Variants in CBL observed in about 807,000 individuals in gnomAD.
The protein encoded by CBL is E3 ubiquitin-protein ligase CBL.
In CBL, 45 loss-of-function variants were observed where a neutral mutation model predicts 96.9. That is an observed-to-expected ratio of 0.46 (90% CI 0.37 to 0.60). The LOEUF (loss-of-function observed/expected upper bound fraction) is 0.60, where lower values mean the gene tolerates loss of function less well. CBL is among the 20% of genes least tolerant of loss of function. CBL has a pLI of 0.00. For missense variants in CBL, 1,024 were observed against 1,143.5 expected (o/e 0.90, Z 1.51); for synonymous variants, 420 against 426.8 (o/e 0.98, Z 0.20).
chr11:119,260,676 A>C (rs1328108397), intron 2 of CBL, among the ~76,000 whole-genome samples: 1 of 151,928 alleles, frequency 6.6e-6, no homozygotes, highest in African/African-American at 2.4e-5. Context: ...CATACTCTTG[A>C]TTTTACTGCT....
intron 14 of CBL, among the ~76,000 whole-genome samples, chr11:119,297,872 C>T (rs891046022): frequency 1.3e-5 from 2 of 152,152 alleles, no homozygotes; most frequent in Admixed American, 1.3e-4. Flanking sequence ...TTTGTCCTTC[C>T]AGGGCCTAGA....
At chr11:119,262,970 A>G (rs550262005) in intron 2 of CBL, among the ~76,000 whole-genome samples, 2 of 152,254 alleles carry the variant, frequency 1.3e-5, no homozygotes, top group Non-Finnish European at 2.9e-5. Context: ...TAGCTTTGTG[A>G]CCTTGCAAAT....
intron 2 of CBL, among the ~76,000 whole-genome samples, chr11:119,251,985 A>G (rs916593510): frequency 3.9e-5 from 6 of 152,204 alleles, no homozygotes; most frequent in Admixed American, 3.3e-4. Context: ...AATGCCTGCT[A>G]GAGATACCTA....
intron 1 of CBL, among the ~76,000 whole-genome samples, chr11:119,222,031 T>C (rs1055773568): frequency 6.6e-6 from 1 of 152,138 alleles, no homozygotes; most frequent in African/African-American, 2.4e-5. Context: ...TATTCATCCT[T>C]TTAAATTATA....
Position 119,278,567 on chromosome 11 carries a change from A to G in CBL, c.1285A>G (p.Ile429Val). 1.2e-6 allele frequency: 2 copies of G among 1,614,184 alleles called. No homozygotes were observed. The highest frequency in any genetic ancestry group is 1.7e-6 in the Non-Finnish European group (2 of 1,180,022). ...ATGTGAAATTAAAGGTACTGAACCC[A>G]TCGTGGTAGATCCGTTTGATCCTAG... ...CRCEIKGTEP[I>V]VVDPFDPRGS... is the part of the protein sequence containing the mutation. Residue 429 changes from isoleucine to valine, a missense_variant, in exon 9 of 16, where the codon ATC becomes GTC. Physicochemically the swap from Ile to Val is conservative, Grantham distance 29. Transcript: ENST00000264033.
chr11:119,235,458 C>A (rs189439780), intron 2 of CBL, among the ~76,000 whole-genome samples: 5 of 152,180 alleles, frequency 3.3e-5, no homozygotes, highest in African/African-American at 9.6e-5. Flanking sequence ...ATTTATTATT[C>A]AGTAAGTGGA....
intron 12 of CBL, among the ~76,000 whole-genome samples, chr11:119,294,519 G>C (rs1055497302): frequency 6.2e-4 from 94 of 152,002 alleles, no homozygotes; most frequent in Non-Finnish European, 2.1e-4. Flanking sequence ...AGCAGGCTGG[G>C]TGCGGTGGCT....
intron 1 of CBL, among the ~76,000 whole-genome samples, chr11:119,222,244 A>G (rs1007503237): frequency 4.6e-5 from 7 of 152,196 alleles, no homozygotes; most frequent in African/African-American, 1.2e-4. Context: ...TAGTGTTAGA[A>G]AAGATTCTGT....
chr11:119,265,468 T>G (rs1169350489), intron 2 of CBL, among the ~76,000 whole-genome samples: 1 of 152,218 alleles, frequency 6.6e-6, no homozygotes, highest in African/African-American at 2.4e-5. Context: ...CCCTAAGACA[T>G]AAATTCATTT....
intron 2 of CBL, among the ~76,000 whole-genome samples, chr11:119,236,654 G>A (rs1186781404): frequency 6.7e-6 from 1 of 148,524 alleles, no homozygotes; most frequent in African/African-American, 2.5e-5. Flanking sequence ...GAGTCATATG[G>A]TAATTCTGTG....
At position 119,210,235 on chromosome 11, in the gene CBL, CAT is replaced by C. The variant is rs377244404; in HGVS notation, c.195+3626_195+3627del. 6.6e-5 allele frequency among the ~76,000 whole-genome samples: 10 copies of C among 151,992 alleles called. 1 individual carries two copies. Among genetic ancestry groups the C allele is most frequent in the African/African-American group, 2.4e-4 (10 of 41,462 alleles). ...AAACCCTGTCTCTACAAAAAATACA[CAT>C]ATTAGCCAGGCGTGGTGGTGCCTTC... On this transcript the variant is annotated intron_variant, in intron 1 of 15. Transcript: ENST00000264033.
chr11:119,220,058 C>T (rs1949396083), intron 1 of CBL, among the ~76,000 whole-genome samples: 1 of 152,170 alleles, frequency 6.6e-6, no homozygotes, highest in Non-Finnish European at 1.5e-5. Flanking sequence ...CCATGTTGGC[C>T]AGGCTGGTCT....
chr11:119,230,232 A>G (rs1322092457), intron 1 of CBL, among the ~76,000 whole-genome samples: 2 of 151,730 alleles, frequency 1.3e-5, no homozygotes, highest in Admixed American at 1.3e-4. Flanking sequence ...GCTCACTGCA[A>G]GCTCCGCCTC....
intron 12 of CBL, among the ~76,000 whole-genome samples, chr11:119,288,218 G>A (rs928503797): frequency 2.6e-5 from 4 of 152,072 alleles, no homozygotes; most frequent in Non-Finnish European, 5.9e-5. Context: ...ATTGCTCTGC[G>A]CTCTTTATTC....
chr11:119,240,145 A>G (rs1292192462), intron 2 of CBL, among the ~76,000 whole-genome samples: 1 of 151,992 alleles, frequency 6.6e-6, no homozygotes, highest in Non-Finnish European at 1.5e-5. Context: ...ATTCAAAACA[A>G]TTAGCTGGAC....
chr11:119,247,700 A>G (rs1165254013), intron 2 of CBL, among the ~76,000 whole-genome samples: 1 of 152,142 alleles, frequency 6.6e-6, no homozygotes, highest in Non-Finnish European at 1.5e-5. Flanking sequence ...AATCCCAGCT[A>G]TTTGGGAGGC....
At chr11:119,248,941 C>A (rs374157795) in intron 2 of CBL, among the ~76,000 whole-genome samples, 21 of 152,314 alleles carry the variant, frequency 1.4e-4, no homozygotes, top group African/African-American at 5.1e-4. Flanking sequence ...TACCACTTCA[C>A]AGCTGTTAGG....
At chr11:119,263,187 GTAGA>G (rs764802575) in intron 2 of CBL, among the ~76,000 whole-genome samples, 10 of 152,312 alleles carry the variant, frequency 6.6e-5, no homozygotes, top group South Asian at 6.2e-4. Flanking sequence ...CCTGGAAAGC[GTAGA>G]TAGAGTGTTT....
At chr11:119,296,887 CT>C in intron 12 of CBL, 30 bp from the exon 13 acceptor site, 2 of 1,121,610 alleles carry the variant, frequency 1.8e-6, no homozygotes, top group Admixed American at 1.7e-5. Context: ...TTTGTTACTT[CT>C]TTTTCTATTT....
Sources: allele counts gnomAD v4.1 joint callset (sites outside exome capture counted in the v4.1 genomes callset), GRCh38; gene constraint gnomAD v4.1.1; transcripts MANE v1.5; gene names NCBI Gene and HGNC (gene_info 2026-07-23, HGNC 2026-07-21).